Variants in EEIG2 observed in about 807,000 individuals in gnomAD.
EEIG2 encodes the protein family with sequence similarity 102 member B.
chr1:108,615,403 C>T, the EEIG2 span, among the ~76,000 whole-genome samples: 1 of 152,092 alleles, frequency 6.6e-6, no homozygotes, highest in African/African-American at 2.4e-5. Context: ...CCCATAAGAA[C>T]ATAAAGAGGT....
the EEIG2 span, among the ~76,000 whole-genome samples, chr1:108,632,724 G>A: frequency 2.0e-5 from 3 of 152,104 alleles, no homozygotes; most frequent in African/African-American, 7.2e-5. Context: ...ATTTTAAAGG[G>A]TAAATGACAT....
chr1:108,611,299 A>G, the EEIG2 span, among the ~76,000 whole-genome samples: 2 of 152,192 alleles, frequency 1.3e-5, no homozygotes, highest in Non-Finnish European at 2.9e-5. Flanking sequence ...ATTTTTTGTT[A>G]ATAAAAAGAC....
chr1:108,569,338 T>C, the EEIG2 span, among the ~76,000 whole-genome samples: 2 of 152,236 alleles, frequency 1.3e-5, no homozygotes, highest in Admixed American at 1.3e-4. Context: ...TTATTCTTTT[T>C]AGAGGCAGTT....
the EEIG2 span, among the ~76,000 whole-genome samples, chr1:108,617,043 A>G: frequency 2.6e-5 from 4 of 152,158 alleles, no homozygotes; most frequent in East Asian, 1.9e-4. Flanking sequence ...TAGGGGGAAG[A>G]GTATTTGAGG....
the EEIG2 span, chr1:108,635,389 G>A: frequency 4.0e-6 from 2 of 505,690 alleles, no homozygotes; most frequent in South Asian, 2.7e-5. Context: ...TGGCTTCTGT[G>A]GTCACTGCAC....
the EEIG2 span, among the ~76,000 whole-genome samples, chr1:108,596,436 C>G: frequency 6.6e-6 from 1 of 152,032 alleles, no homozygotes; most frequent in Non-Finnish European, 1.5e-5. Context: ...CCCTTCCTGC[C>G]CTCTATCCTT....
the EEIG2 span, among the ~76,000 whole-genome samples, chr1:108,592,636 G>T: frequency 6.6e-5 from 10 of 152,060 alleles, no homozygotes; most frequent in Admixed American, 5.9e-4. Flanking sequence ...GGACTCTACG[G>T]GTCATGAAAA....
the EEIG2 span, chr1:108,612,287 T>C: frequency 1.3e-6 from 2 of 1,597,830 alleles, no homozygotes; most frequent in Non-Finnish European, 1.7e-6. Flanking sequence ...GATAATTCCA[T>C]TCTTAAAGTA....
the EEIG2 span, among the ~76,000 whole-genome samples, chr1:108,581,712 T>C: frequency 1.3e-5 from 2 of 152,186 alleles, no homozygotes; most frequent in Non-Finnish European, 2.9e-5. Flanking sequence ...GAATGGACAA[T>C]GAGGTGCTTC....
At chr1:108,625,860 A>C in the EEIG2 span, 1 of 151,964 alleles carries the variant, frequency 6.6e-6, no homozygotes, top group African/African-American at 2.4e-5. Flanking sequence ...GCAAGAGATG[A>C]TATATGTACC....
the EEIG2 span, among the ~76,000 whole-genome samples, chr1:108,630,038 G>A: frequency 6.6e-6 from 1 of 152,134 alleles, no homozygotes; most frequent in African/African-American, 2.4e-5. Context: ...GAGTGCAGTG[G>A]TGCAGTCATA....
At chr1:108,578,755 A>C in the EEIG2 span, among the ~76,000 whole-genome samples, 1 of 150,572 alleles carries the variant, frequency 6.6e-6, no homozygotes, top group African/African-American at 2.4e-5. Flanking sequence ...CAGAAACCCT[A>C]CAAGCCAGAA....
chr1:108,572,291 C>A, the EEIG2 span, among the ~76,000 whole-genome samples: 1 of 152,080 alleles, frequency 6.6e-6, no homozygotes, highest in African/African-American at 2.4e-5. Context: ...ATTTTCAGAG[C>A]AAAATTGAAT....
the EEIG2 span, among the ~76,000 whole-genome samples, chr1:108,621,138 C>T: frequency 3.2e-4 from 48 of 152,308 alleles, no homozygotes; most frequent in Middle Eastern, 3.4e-3. Flanking sequence ...TCATTTTTCA[C>T]ATATTCTTAA....
At chr1:108,625,142 C>G in the EEIG2 span, 6 of 161,916 alleles carry the variant, frequency 3.7e-5, no homozygotes, top group Non-Finnish European at 4.0e-5. Context: ...TCAGAGTCTC[C>G]TGGAGGGCTT....
At chr1:108,635,180 G>A in the EEIG2 span, 53,961 of 1,613,344 alleles carry the variant, frequency 0.033, 1,114 homozygotes, top group Non-Finnish European at 0.04. Context: ...ATTTCCTTGT[G>A]GATTTAAGAT....
the EEIG2 span, among the ~76,000 whole-genome samples, chr1:108,579,797 A>AGAGAGAGAGAGAGAGAGAGAC: frequency 4.0e-5 from 1 of 25,260 alleles, no homozygotes; most frequent in Non-Finnish European, 1.1e-4. Flanking sequence ...GAGAGAGAGA[A>AGAGAGAGAGAGAGAGAGAGAC]AGAAACCCAC....
At chr1:108,590,657 C>G in the EEIG2 span, among the ~76,000 whole-genome samples, 1 of 152,182 alleles carries the variant, frequency 6.6e-6, no homozygotes, top group Non-Finnish European at 1.5e-5. Context: ...AGGATTTGAA[C>G]ACAAGCAGCC....
chr1:108,573,314 G>A, the EEIG2 span, among the ~76,000 whole-genome samples: 4 of 152,172 alleles, frequency 2.6e-5, no homozygotes, highest in Admixed American at 2.0e-4. Flanking sequence ...GATTCCTGCC[G>A]ATTCATCCAA....
Sources: gnomAD v4.1 joint callset for allele counts (sites outside exome capture counted in the v4.1 genomes callset) on GRCh38, gnomAD v4.1.1 for gene constraint, MANE v1.5 for transcripts, NCBI Gene and HGNC (gene_info 2026-07-23, HGNC 2026-07-21) for gene names.